Variants in SDHA observed in about 807,000 individuals in gnomAD.
SDHA encodes succinate dehydrogenase complex flavoprotein subunit A, also known as succinate dehydrogenase [ubiquinone] flavoprotein subunit, mitochondrial.
Under a neutral mutation model 78.4 loss-of-function variants are expected in SDHA, and 48 were observed. That is an observed-to-expected ratio of 0.61 (90% CI 0.49 to 0.78). SDHA has a LOEUF of 0.78. SDHA is among the 30% of genes least tolerant of loss of function. The pLI, the probability that SDHA is intolerant of heterozygous loss-of-function variation, is 0.00. For missense variants in SDHA, 680 were observed against 892.7 expected (o/e 0.76, Z 3.04); for synonymous variants, 326 against 353.9 (o/e 0.92, Z 0.88).
chr5:253,235 A>G (rs1277948081), intron 13 of SDHA, among the ~76,000 whole-genome samples: 3 of 152,192 alleles, frequency 2.0e-5, no homozygotes, highest in Non-Finnish European at 4.4e-5. Context: ...GGCTGGTGGC[A>G]GCCTTTCCAG....
chr5:255,747 A>C (rs1198529608), intron 14 of SDHA, among the ~76,000 whole-genome samples: 2 of 152,168 alleles, frequency 1.3e-5, no homozygotes, highest in Admixed American at 1.3e-4. Flanking sequence ...GTGATTTTTC[A>C]AGAAATACAT....
intron 11 of SDHA, among the ~76,000 whole-genome samples, chr5:242,626 G>A (rs1390013662): frequency 6.6e-6 from 1 of 152,164 alleles, no homozygotes; most frequent in Admixed American, 6.5e-5. Flanking sequence ...CTGGGTTAGG[G>A]TCTCCATGAC....
At chr5:238,749 A>G (rs1318539998) in intron 10 of SDHA, among the ~76,000 whole-genome samples, 1 of 152,208 alleles carries the variant, frequency 6.6e-6, no homozygotes, top group African/African-American at 2.4e-5. Flanking sequence ...GCTTGAGCTC[A>G]GGAGTTCGAG....
At chr5:250,349 A>G (rs1002870653) in intron 11 of SDHA, 1 of 156,068 alleles carries the variant, frequency 6.4e-6, no homozygotes, top group Non-Finnish European at 1.4e-5. Context: ...GCAAAAGCTG[A>G]CGCCTAGTTC....
chr5:224,280 C>T (rs1734878567), intron 2 of SDHA, 80 bp from the exon 3 acceptor site: 2 of 1,462,866 alleles, frequency 1.4e-6, no homozygotes, highest in Non-Finnish European at 1.9e-6. Context: ...TTATCTTTGT[C>T]AAGCTCTTTC....
chr5:254,592 G>A, intron 14 of SDHA, 86 bp downstream of exon 14: 1 of 1,472,786 alleles, frequency 6.8e-7, no homozygotes, highest in Non-Finnish European at 9.1e-7. Context: ...ATGGTGAACG[G>A]GGAAGAGCAG....
downstream of SDHA, among the ~76,000 whole-genome samples, chr5:261,705 T>C (rs552180126): frequency 1.8e-4 from 8 of 45,538 alleles, 1 homozygote; most frequent in African/African-American, 8.1e-4. Flanking sequence ...GAGCTCCGCC[T>C]CCCGGCAGAG....
rs1224049828 is a variant in SDHA at position 240,375 on chromosome 5, A to G, written c.1450A>G (p.Ile484Val). 4.4e-6 allele frequency: 7 copies of G among 1,604,646 alleles called. No homozygotes were observed. Among genetic ancestry groups the G allele is most frequent in the Admixed American group, 3.3e-5 (2 of 59,962 alleles). Residue 484 changes from isoleucine (I) to valine (V), a missense_variant, in exon 11 of 15, where the codon ATT (isoleucine) becomes GTT (valine). By Grantham distance (29) the Ile-to-Val change is conservative. Coordinates refer to ENST00000264932, the MANE Select transcript of SDHA (RefSeq NM_004168.4). ...TGTTTTAGGAGATAAAGTCCCTCCAATTAAACCAAACGCTGGGGAAGAATC... is the reference window on the plus strand; with the variant it reads ...TGTTTTAGGAGATAAAGTCCCTCCAGTTAAACCAAACGCTGGGGAAGAATC... ...SCRPGDKVPP[I>V]KPNAGEESVM...
rs6961 is a variant in SDHA, at chr5:256,357, G to A, written c.1932G>A (p.Val644=). ...AGGTCACTCTGGAATATAGACCCGTGATCGACAAAACTTTGAACGAGGCTG... is the reference window on the plus strand; with the variant it reads ...AGGTCACTCTGGAATATAGACCCGTAATCGACAAAACTTTGAACGAGGCTG... The part of the protein sequence containing the change: ...TGKVTLEYRP[V]IDKTLNEADC... The change falls in exon 15 of 15, where the codon GTG becomes GTA. Residue 644 remains valine (V), a synonymous_variant. Transcript: ENST00000264932. 280,784 of 1,294,100 alleles carry A rather than the reference G, an allele frequency of 0.22. 24,194 individuals carry two copies. The highest frequency in any genetic ancestry group is 0.56 in the African/African-American group (40,316 of 72,632). The allele number at this position is 1,294,100 out of a possible 1,614,324, so 80.2% of individuals were successfully genotyped here.
At chr5:262,235 C>T in the SDHA span, among the ~76,000 whole-genome samples, 290 of 35,664 alleles carry the variant, frequency 8.1e-3, 2 homozygotes, top group Middle Eastern at 0.04. Flanking sequence ...AGAGCATTAC[C>T]GTGTGAGCTC....
rs751645963 is a variant in SDHA at position 224,433 on chromosome 5, G to A, written c.224G>A (p.Arg75Gln). 5.6e-6 allele frequency: 9 copies of A among 1,613,568 alleles called. No individual in the cohort carries two copies. Among genetic ancestry groups the A allele is most frequent in the East Asian group, 2.2e-5 (1 of 44,896 alleles). Residue 75 changes from arginine (R) to glutamine (Q), a missense_variant, in exon 3 of 15, where the codon CGA (arginine) becomes CAA (glutamine). Coordinates refer to ENST00000264932, the MANE Select transcript of SDHA (RefSeq NM_004168.4). ...VVVGAGGAGLRAAFGLSEAGF... is the reference protein window; with the variant it reads ...VVVGAGGAGLQAAFGLSEAGF... ...GTAGGCGCTGGAGGGGCAGGCTTGC[G>A]AGCTGCATTTGGCCTTTCTGAGGCA...
intron 7 of SDHA, 107 bp from the exon 8 acceptor site, chr5:233,369 CT>C: frequency 8.3e-7 from 1 of 1,206,458 alleles, no homozygotes; most frequent in Non-Finnish European, 1.2e-6. Flanking sequence ...ATAATGCCTT[CT>C]GCTTATCTTT....
At chr5:252,609 A>C (rs1014143832) in intron 13 of SDHA, among the ~76,000 whole-genome samples, 2 of 148,216 alleles carry the variant, frequency 1.3e-5, no homozygotes, top group Non-Finnish European at 3.0e-5. Flanking sequence ...CTGTGGAGGA[A>C]ATGCCAGTTT....
the SDHA span, among the ~76,000 whole-genome samples, chr5:265,237 A>G: frequency 6.6e-6 from 1 of 152,222 alleles, no homozygotes; most frequent in Non-Finnish European, 1.5e-5. Context: ...TCTGAGAAAA[A>G]GGTGTAAAAC....
chr5:220,439 G>A (rs1044921409), intron 1 of SDHA: 3 of 243,160 alleles, frequency 1.2e-5, no homozygotes, highest in Non-Finnish European at 2.6e-5. Flanking sequence ...GTTTAATGGT[G>A]TTCTAGAAAT....
downstream of SDHA, among the ~76,000 whole-genome samples, chr5:257,800 C>T (rs1335155463): frequency 1.1e-5 from 1 of 87,486 alleles, no homozygotes; most frequent in African/African-American, 6.5e-5. Flanking sequence ...GCTCCACCCC[C>T]TGCCAGAGCA....
intron 10 of SDHA, among the ~76,000 whole-genome samples, chr5:237,703 T>G (rs533854084): frequency 7.4e-6 from 1 of 134,756 alleles, no homozygotes; most frequent in East Asian, 1.9e-4. Flanking sequence ...ATACAACAGG[T>G]GCTTTTTGTA....
At chr5:262,490 G>T in the SDHA span, among the ~76,000 whole-genome samples, 1 of 152,238 alleles carries the variant, frequency 6.6e-6, no homozygotes, top group Non-Finnish European at 1.5e-5. Context: ...GTGGAACCCT[G>T]TTGTGAACTG....
intron 7 of SDHA, among the ~76,000 whole-genome samples, chr5:232,100 G>A (rs1355541958): frequency 6.6e-6 from 1 of 152,186 alleles, no homozygotes; most frequent in African/African-American, 2.4e-5. Flanking sequence ...GGACGATGGA[G>A]ACCTCTGAAG....
Sources: allele counts gnomAD v4.1 joint callset (sites outside exome capture counted in the v4.1 genomes callset), GRCh38; gene constraint gnomAD v4.1.1; transcripts MANE v1.5; gene names NCBI Gene and HGNC (gene_info 2026-07-23, HGNC 2026-07-21).